The following FAM13B variants were observed in gnomAD, a reference collection of about 807,000 sequenced individuals.
FAM13B encodes the protein protein FAM13B.
In FAM13B, 60 loss-of-function variants were observed where a neutral mutation model predicts 117.3. That is an observed-to-expected ratio of 0.51 (90% CI 0.42 to 0.63). FAM13B has a LOEUF of 0.63. Ranked by LOEUF, FAM13B falls within the 30% of genes least tolerant of loss-of-function variation. The pLI is 0.00. For synonymous variants in FAM13B, 332 were observed against 356.1 expected (o/e 0.93, Z 0.76); for missense variants, 972 against 1,091.9 (o/e 0.89, Z 1.55).
intron 10 of FAM13B, among the ~76,000 whole-genome samples, chr5:137,973,208 A>T (rs1216615894): frequency 1.3e-5 from 2 of 152,204 alleles, no homozygotes; most frequent in Admixed American, 6.5e-5. Context: ...ACTTCAAACT[A>T]TACTATAAGG....
At position 137,961,885 on chromosome 5, in the gene FAM13B, C is replaced by T. The variant is rs1393411535; in HGVS notation, c.1244+520G>A. On this transcript the variant is annotated intron_variant, in intron 11 of 23. Coordinates refer to ENST00000689681, the MANE Select transcript of FAM13B (RefSeq NM_001385994.1). ...AAAGAGGCTATCTATTGAGACTCTA[C>T]ATTAGTCGAAATACTCATTGCCTCC... Among the ~76,000 whole-genome samples the T allele has an allele frequency of 2.6e-5, 4 of 151,502 alleles. No homozygotes were observed. In the East Asian group the frequency reaches 7.7e-4, roughly 29 times the overall value.
chr5:137,987,792 T>C (rs986020126), intron 8 of FAM13B, among the ~76,000 whole-genome samples, 176 bp from the exon 9 acceptor site: 2 of 152,140 alleles, frequency 1.3e-5, no homozygotes, highest in Non-Finnish European at 2.9e-5. Context: ...GTTTTAAAAG[T>C]AAAATTTACC....
At chr5:137,997,213 T>C (rs1027538422) in intron 7 of FAM13B, among the ~76,000 whole-genome samples, 1 of 152,122 alleles carries the variant, frequency 6.6e-6, no homozygotes, top group Admixed American at 6.5e-5. Flanking sequence ...CTCACACCCG[T>C]AATCCCAGCA....
At chr5:137,984,963 G>A (rs7737549) in intron 10 of FAM13B, among the ~76,000 whole-genome samples, 25,551 of 151,704 alleles carry the variant, frequency 0.17, 2,254 homozygotes, top group Non-Finnish European at 0.17. Context: ...TAGAGATGGG[G>A]GTTCACCATG....
intron 1 of FAM13B, among the ~76,000 whole-genome samples, chr5:138,022,946 G>C (rs544948875): frequency 2.0e-5 from 3 of 151,486 alleles, no homozygotes; most frequent in Non-Finnish European, 4.4e-5. Context: ...CCCTGCCTCA[G>C]CCTCCCAAAT....
Position 137,940,197 on chromosome 5 carries a change from T to C in FAM13B, c.*28A>G. The C allele has an allele frequency of 2.5e-6, 4 of 1,613,948 alleles. No homozygotes were observed. The highest frequency in any genetic ancestry group is 3.4e-6 in the Non-Finnish European group (4 of 1,179,878). ...TAGCTTCAAGGAATACAACTGACTT[T>C]ATGATATGAATTTTCAAGGAACGTA... On this transcript the variant is annotated 3_prime_UTR_variant, in exon 24 of 24. Coordinates refer to ENST00000689681, the MANE Select transcript of FAM13B (RefSeq NM_001385994.1).
intron 10 of FAM13B, among the ~76,000 whole-genome samples, chr5:137,983,600 G>C (rs1776437571): frequency 6.6e-6 from 1 of 152,162 alleles, no homozygotes; most frequent in Non-Finnish European, 1.5e-5. Flanking sequence ...GGCAGAAACT[G>C]ATAATCCAGG....
At chr5:138,018,898 G>A in intron 3 of FAM13B, 57 bp downstream of exon 3, 2 of 1,393,878 alleles carry the variant, frequency 1.4e-6, no homozygotes, top group Non-Finnish European at 2.0e-6. Flanking sequence ...AGGTCAAAAA[G>A]GTGTAAGTTG....
At chr5:138,047,383 G>A (rs1791674238) in intron 1 of FAM13B, among the ~76,000 whole-genome samples, 1 of 151,716 alleles carries the variant, frequency 6.6e-6, no homozygotes, top group Non-Finnish European at 1.5e-5. Context: ...GCACACGCCT[G>A]TAGTCCCAGC....
At chr5:138,047,511 A>G (rs1791678073) in intron 1 of FAM13B, among the ~76,000 whole-genome samples, 1 of 105,216 alleles carries the variant, frequency 9.5e-6, no homozygotes, top group Admixed American at 9.3e-5. Flanking sequence ...TCTCAAAAAA[A>G]AAAAAATGAA....
At chr5:138,019,985 A>G (rs1581268669) in intron 2 of FAM13B, 2 of 978,920 alleles carry the variant, frequency 2.0e-6, no homozygotes, top group Admixed American at 1.2e-4. Context: ...GGCCTGTAAT[A>G]CATTTTTATA....
chr5:138,014,458 T>C (rs916904063), intron 4 of FAM13B, among the ~76,000 whole-genome samples: 2 of 152,192 alleles, frequency 1.3e-5, no homozygotes, highest in Admixed American at 6.5e-5. Flanking sequence ...GTACATTCTT[T>C]ATGAGAATCT....
chr5:137,968,438 C>CAA (rs1158179498), intron 10 of FAM13B, among the ~76,000 whole-genome samples: 6 of 57,950 alleles, frequency 1.0e-4, no homozygotes, highest in African/African-American at 2.0e-4. Context: ...GACTCTGTCT[C>CAA]AAAAAAAAAA....
intron 17 of FAM13B, among the ~76,000 whole-genome samples, chr5:137,950,904 G>A (rs909985666): frequency 6.6e-6 from 1 of 152,142 alleles, no homozygotes; most frequent in Non-Finnish European, 1.5e-5. Context: ...ACTCTAAAGA[G>A]GAGTTAAGAG....
chr5:137,983,664 AC>A (rs1400520641), intron 10 of FAM13B, among the ~76,000 whole-genome samples: 1 of 152,226 alleles, frequency 6.6e-6, no homozygotes, highest in East Asian at 1.9e-4. Flanking sequence ...TTCATCTAAT[AC>A]ACCCAAGTCT....
intron 22 of FAM13B, chr5:137,942,288 G>A: frequency 2.0e-6 from 1 of 492,548 alleles, no homozygotes; most frequent in Non-Finnish European, 3.6e-6. Flanking sequence ...CAAAGGTAAA[G>A]AAGTGGATAT....
chr5:137,949,793 T>C (rs1384301352), intron 17 of FAM13B, among the ~76,000 whole-genome samples: 5 of 43,488 alleles, frequency 1.1e-4, no homozygotes, highest in Non-Finnish European at 1.0e-4. Context: ...AGTGAGACTC[T>C]GTCTCAAAAA....
chr5:137,975,856 C>CTATCTAG (rs1481674136), intron 10 of FAM13B, among the ~76,000 whole-genome samples: 3 of 151,620 alleles, frequency 2.0e-5, no homozygotes, highest in African/African-American at 7.3e-5. Context: ...TAGTCTCTCC[C>CTATCTAG]TATCTAGTGA....
intron 20 of FAM13B, among the ~76,000 whole-genome samples, chr5:137,944,200 ATTG>A (rs1299633534): frequency 1.3e-5 from 2 of 152,098 alleles, no homozygotes; most frequent in African/African-American, 4.8e-5. Flanking sequence ...TTATTATTTC[ATTG>A]TTTTTTATGG....
Sources: gnomAD v4.1 joint callset for allele counts (sites outside exome capture counted in the v4.1 genomes callset) on GRCh38, gnomAD v4.1.1 for gene constraint, MANE v1.5 for transcripts, NCBI Gene and HGNC (gene_info 2026-07-23, HGNC 2026-07-21) for gene names.